SPP2: variants seen among roughly 807,000 people sequenced by gnomAD.
The protein encoded by SPP2 is secreted phosphoprotein 2, also known as secreted phosphoprotein 24.
SPP2 carries 34 observed loss-of-function variants against 28.8 expected under a neutral mutation model. That is an observed-to-expected ratio of 1.18 (90% CI 0.90 to 1.57). The LOEUF (loss-of-function observed/expected upper bound fraction) is 1.57. Ranked by LOEUF, SPP2 falls within the 40% of genes most tolerant of loss-of-function variation. SPP2 has a pLI of 0.00. For synonymous variants in SPP2, 96 were observed against 89.4 expected (o/e 1.07, Z -0.42); for missense variants, 269 against 263.9 (o/e 1.02, Z -0.13).
intron 2 of SPP2, 33 bp from the exon 3 acceptor site, chr2:234,058,803 T>G: frequency 6.2e-7 from 1 of 1,600,126 alleles, no homozygotes; most frequent in Non-Finnish European, 8.5e-7. Context: ...CAGAAATGCA[T>G]TGATCACACT....
At chr2:234,065,225 G>A (rs1159007189) in intron 4 of SPP2, among the ~76,000 whole-genome samples, 2 of 152,016 alleles carry the variant, frequency 1.3e-5, no homozygotes, top group African/African-American at 2.4e-5. Flanking sequence ...GTTCTTGTTG[G>A]TGCCTGTCTT....
At chr2:234,058,018 G>A (rs1693642275) in intron 2 of SPP2, among the ~76,000 whole-genome samples, 1 of 152,198 alleles carries the variant, frequency 6.6e-6, no homozygotes, top group Non-Finnish European at 1.5e-5. Context: ...TTTGGTTCCT[G>A]TGAGCCTTGG....
rs544195117 is a variant in SPP2 at position 234,063,374 on chromosome 2, T to C, written c.444+2895T>C. 2.6e-5 allele frequency among the ~76,000 whole-genome samples: 4 copies of C among 152,254 alleles called. No homozygotes were observed. In the South Asian group the frequency reaches 8.3e-4, roughly 32 times the overall value. ...ATAAGGTAAAGAAAAATGGAAGCCA[T>C]GGCAAATAAGCCCCAAAATCCAAAT... On this transcript the variant is annotated intron_variant, in intron 4 of 7. Coordinates refer to ENST00000168148, the MANE Select transcript of SPP2 (RefSeq NM_006944.3).
chr2:234,055,604 C>G (rs1322504274), intron 2 of SPP2, among the ~76,000 whole-genome samples: 1 of 151,244 alleles, frequency 6.6e-6, no homozygotes, highest in Non-Finnish European at 1.5e-5. Flanking sequence ...AAATAAAAAC[C>G]AAAATGTAAT....
At chr2:234,052,974 T>C (rs1310743034) in intron 2 of SPP2, among the ~76,000 whole-genome samples, 1 of 152,198 alleles carries the variant, frequency 6.6e-6, no homozygotes, top group Non-Finnish European at 1.5e-5. Context: ...ACATGAGGGA[T>C]ACACTAAAAG....
intron 7 of SPP2, among the ~76,000 whole-genome samples, chr2:234,070,955 G>T (rs1213662732): frequency 6.6e-6 from 1 of 152,086 alleles, no homozygotes; most frequent in African/African-American, 2.4e-5. Flanking sequence ...CTCTTGGGTG[G>T]TGTTGCCATT....
chr2:234,063,275 C>A (rs1220414695), intron 4 of SPP2, among the ~76,000 whole-genome samples: 1 of 151,710 alleles, frequency 6.6e-6, no homozygotes, highest in African/African-American at 2.4e-5. Flanking sequence ...CTGAAAAAAA[C>A]TCCCAGAGTA....
chr2:234,066,636 TA>T (rs1426524726), intron 5 of SPP2, 49 bp downstream of exon 5: 1 of 1,389,108 alleles, frequency 7.2e-7, no homozygotes, highest in African/African-American at 1.4e-5. Context: ...AATAACTCCA[TA>T]TTGCAACTCT....
chr2:234,071,526 A>G (rs11563027), intron 7 of SPP2, among the ~76,000 whole-genome samples: 8,687 of 152,332 alleles, frequency 0.057, 389 homozygotes, highest in African/African-American at 0.12. Flanking sequence ...GGCACACGTA[A>G]GAGGAATCTC....
In SPP2 at chr2:234,066,459, A is replaced by T. The variant is rs192381907; in HGVS notation, c.445-74A>T. The T allele has an allele frequency of 9.6e-4, 1,168 of 1,220,710 alleles. 4 individuals carry two copies. The highest frequency in any genetic ancestry group is 2.1e-3 in the South Asian group (169 of 81,862). The allele number at this position is 1,220,710 out of a possible 1,614,324, so 75.6% of individuals were successfully genotyped here. ...CATATATCAGAGTCTTCCAGATGAC[A>T]TTTACATTTTTCAGTGTCTTTCCTT... is the stretch of plus-strand genomic sequence containing the variant. On this transcript the variant is annotated intron_variant, in intron 4 of 7. Coordinates refer to ENST00000168148, the MANE Select transcript of SPP2 (RefSeq NM_006944.3).
intron 2 of SPP2, among the ~76,000 whole-genome samples, chr2:234,057,718 A>G (rs1364492091): frequency 6.6e-6 from 1 of 152,194 alleles, no homozygotes; most frequent in Non-Finnish European, 1.5e-5. Flanking sequence ...TGGAGTTTAG[A>G]TTATTTTCCT....
At chr2:234,072,940 T>G (rs1184580804) in intron 7 of SPP2, among the ~76,000 whole-genome samples, 2 of 152,154 alleles carry the variant, frequency 1.3e-5, no homozygotes, top group Admixed American at 1.3e-4. Flanking sequence ...CAGGCTGGAG[T>G]GCAGTGGCAC....
intron 4 of SPP2, among the ~76,000 whole-genome samples, chr2:234,062,147 T>C (rs1693731313): frequency 6.6e-6 from 1 of 152,130 alleles, no homozygotes. Context: ...GTGGAGTTTA[T>C]AGACACGTCT....
chr2:234,058,849 A>T lies in SPP2; in HGVS notation c.224A>T (p.Asp75Val). 6.2e-7 allele frequency: 1 copy of T among 1,613,952 alleles called. No individual in the cohort carries two copies. Among genetic ancestry groups the T allele is most frequent in the Non-Finnish European group, 8.5e-7 (1 of 1,179,926 alleles). ...RSSLKRVEVL[D>V]ENNLVMNLEF... Reference sequence around the variant, plus strand: ...ATTTTTGTGAAGGTTGAGGTCCTAGATGAGAACAACTTGGTCATGAATTTA... The same window carrying T: ...ATTTTTGTGAAGGTTGAGGTCCTAGTTGAGAACAACTTGGTCATGAATTTA... The change falls in exon 3 of 8, where the codon GAT becomes GTT. Residue 75 changes from aspartate (D) to valine (V), a missense_variant. Coordinates refer to ENST00000168148, the MANE Select transcript of SPP2 (RefSeq NM_006944.3).
At chr2:234,066,508 C>A in intron 4 of SPP2, 25 bp from the exon 5 acceptor site, 1 of 1,603,252 alleles carries the variant, frequency 6.2e-7, no homozygotes, top group Non-Finnish European at 8.5e-7. Context: ...TGTGCTGACA[C>A]ATCCTGATGC....
Position 234,050,978 on chromosome 2 carries a change from A to G in SPP2, c.93A>G (p.Pro31=). ...GMNYWSCSGF[P]VYDYDPSSLR... is the part of the protein sequence containing the mutation. ...ATGTGCTTGCGTGTCCAGGTTTCCC[A>G]GTGTACGACTACGATCCATCCTCCT... The change falls in exon 2 of 8, where the codon CCA becomes CCG. Residue 31 remains proline (P), a synonymous_variant. Coordinates refer to ENST00000168148, the MANE Select transcript of SPP2 (RefSeq NM_006944.3). 1 of 1,613,954 alleles carries G rather than the reference A, an allele frequency of 6.2e-7. No homozygotes were observed. The highest frequency in any genetic ancestry group is 8.5e-7 in the Non-Finnish European group (1 of 1,179,912).
chr2:234,066,403 T>G (rs943195594), intron 4 of SPP2, 130 bp from the exon 5 acceptor site: 1 of 738,698 alleles, frequency 1.4e-6, no homozygotes, highest in African/African-American at 1.8e-5. Context: ...ATATAACGTA[T>G]TGCCTATTTC....
At chr2:234,064,147 T>G (rs1290496190) in intron 4 of SPP2, among the ~76,000 whole-genome samples, 1 of 121,172 alleles carries the variant, frequency 8.3e-6, no homozygotes, top group East Asian at 2.7e-4. Context: ...CTTCTCCCCC[T>G]CATTCCCTTT....
chr2:234,074,880 T>TG, intron 7 of SPP2, among the ~76,000 whole-genome samples: 1 of 152,070 alleles, frequency 6.6e-6, no homozygotes, highest in South Asian at 2.1e-4. Context: ...GAAGCTTCTC[T>TG]AACACACACA....
Sources: gnomAD v4.1 joint callset for allele counts (sites outside exome capture counted in the v4.1 genomes callset) on GRCh38, gnomAD v4.1.1 for gene constraint, MANE v1.5 for transcripts, NCBI Gene and HGNC (gene_info 2026-07-23, HGNC 2026-07-21) for gene names.